The following ANKRD13C variants were observed in gnomAD, a reference collection of about 807,000 sequenced individuals.
ANKRD13C encodes the protein ankyrin repeat domain 13C.
Under a neutral mutation model 65.5 loss-of-function variants are expected in ANKRD13C, and 16 were observed. The ratio of observed to expected loss-of-function variants is 0.24; its 90% confidence interval spans 0.17 to 0.37. ANKRD13C has a LOEUF of 0.37. Among genes scored for constraint, ANKRD13C ranks in the 10% least tolerant of loss-of-function variants. ANKRD13C has a pLI of 1.00. For missense variants in ANKRD13C, 503 were observed against 655.9 expected (o/e 0.77, Z 2.55); for synonymous variants, 235 against 238.7 (o/e 0.98, Z 0.14).
rs191231216 is a variant in ANKRD13C at position 70,283,921 on chromosome 1, G to A, written c.1216-7077C>T. Among the ~76,000 whole-genome samples the A allele has an allele frequency of 1.6e-4, 24 of 152,222 alleles. No individual in the cohort carries two copies. The East Asian group carries it at 2.3e-3, about 15-fold the overall frequency. ...TTATCAATGACTCTAAGGTATAAAC[G>A]GAGCATTGTTCCCTACTCCAATGAT... On this transcript the variant is annotated intron_variant, in intron 9 of 12. Transcript: ENST00000370944.
At chr1:70,281,635 G>A (rs1188147806) in intron 9 of ANKRD13C, among the ~76,000 whole-genome samples, 5 of 151,268 alleles carry the variant, frequency 3.3e-5, no homozygotes, top group African/African-American at 1.2e-4. Flanking sequence ...GAACTCCTGA[G>A]CTCAAGCAAT....
At chr1:70,286,469 T>TA (rs1259850789) in intron 9 of ANKRD13C, among the ~76,000 whole-genome samples, 1 of 151,982 alleles carries the variant, frequency 6.6e-6, no homozygotes, top group Non-Finnish European at 1.5e-5. Flanking sequence ...AATTTTTTTT[T>TA]AAAAAATTAA....
intron 2 of ANKRD13C, among the ~76,000 whole-genome samples, chr1:70,328,124 CAA>C (rs1681627808): frequency 6.6e-6 from 1 of 151,612 alleles, no homozygotes; most frequent in African/African-American, 2.4e-5. Flanking sequence ...AAATATGAAA[CAA>C]TGTTAATTAT....
intron 7 of ANKRD13C, among the ~76,000 whole-genome samples, chr1:70,298,302 T>TC (rs1680181884): frequency 6.6e-6 from 1 of 152,162 alleles, no homozygotes. Flanking sequence ...AGAGACTATC[T>TC]CTTAACCACA....
chr1:70,330,757 T>C (rs570844539), intron 2 of ANKRD13C, among the ~76,000 whole-genome samples: 1 of 151,970 alleles, frequency 6.6e-6, no homozygotes, highest in East Asian at 1.9e-4. Flanking sequence ...AAATTGCAGA[T>C]CCAAAAAAGA....
chr1:70,287,844 AAAAAAAT>A (rs1487247193), intron 9 of ANKRD13C, among the ~76,000 whole-genome samples: 1 of 152,138 alleles, frequency 6.6e-6, no homozygotes, highest in Non-Finnish European at 1.5e-5. Context: ...TTGTCTCTAC[AAAAAAAT>A]AAAAAATAAA....
At chr1:70,264,214 G>A (rs907677660) in intron 12 of ANKRD13C, among the ~76,000 whole-genome samples, 63 of 152,196 alleles carry the variant, frequency 4.1e-4, no homozygotes, top group African/African-American at 1.4e-3. Flanking sequence ...GGTGGCTCAC[G>A]CCTGTAATCC....
chr1:70,310,434 A>C (rs1232142843), intron 5 of ANKRD13C, among the ~76,000 whole-genome samples: 3 of 152,204 alleles, frequency 2.0e-5, no homozygotes, highest in African/African-American at 7.2e-5. Flanking sequence ...AATAGTTGTG[A>C]TGTTAAATCA....
intron 6 of ANKRD13C, among the ~76,000 whole-genome samples, chr1:70,304,301 T>C (rs1429629363): frequency 6.6e-6 from 1 of 152,188 alleles, no homozygotes; most frequent in African/African-American, 2.4e-5. Context: ...TATTATATAA[T>C]ATGTACTAAA....
Position 70,262,757 on chromosome 1 carries a change from T to A in ANKRD13C, c.1586A>T (p.Asp529Val). The change falls in exon 13 of 13, where the codon GAT (aspartate) becomes GTT (valine). Residue 529 changes from aspartate (D) to valine (V), a missense_variant. Physicochemically the swap from Asp to Val is radical, Grantham distance 152. Around this residue, in one of 2 missense-constraint regions of ANKRD13C, gnomAD observed 300 missense variants for 478.3 expected, o/e 0.63. Coordinates refer to ENST00000370944, the MANE Select transcript of ANKRD13C (RefSeq NM_030816.5). Reference protein sequence around the residue: ...EFDGSIFTIPDDYKEDPSRFP... With the variant: ...EFDGSIFTIPVDYKEDPSRFP... ...ACGGCTTGGGTCTTCCTTGTAGTCA[T>A]CAGGTATAGTAAAGATGGAGCCATC... The A allele has an allele frequency of 6.2e-7, 1 of 1,613,542 alleles. No individual in the cohort carries two copies. The highest frequency in any genetic ancestry group is 8.5e-7 in the Non-Finnish European group (1 of 1,179,650).
At chr1:70,339,327 T>C (rs1682200101) in intron 1 of ANKRD13C, among the ~76,000 whole-genome samples, 1 of 150,706 alleles carries the variant, frequency 6.6e-6, no homozygotes, top group Admixed American at 6.6e-5. Context: ...TTTTTTTTTT[T>C]TTTTTTTGAG....
At chr1:70,267,569 T>A (rs1367243583) in intron 12 of ANKRD13C, among the ~76,000 whole-genome samples, 1 of 152,156 alleles carries the variant, frequency 6.6e-6, no homozygotes, top group East Asian at 1.9e-4. Context: ...ACTTTACCAA[T>A]CACTATCTTT....
At chr1:70,280,294 C>T (rs948517778) in intron 9 of ANKRD13C, among the ~76,000 whole-genome samples, 9 of 151,980 alleles carry the variant, frequency 5.9e-5, no homozygotes, top group Admixed American at 3.9e-4. Flanking sequence ...AGCCAAAAGA[C>T]GTGGACTGGT....
chr1:70,347,180 C>T (rs1682569800), intron 1 of ANKRD13C, among the ~76,000 whole-genome samples: 2 of 150,966 alleles, frequency 1.3e-5, no homozygotes, highest in Admixed American at 1.3e-4. Flanking sequence ...AGGCGAAAGA[C>T]CTTTTCCCTT....
intron 2 of ANKRD13C, among the ~76,000 whole-genome samples, chr1:70,330,569 C>T (rs377556715): frequency 8.5e-5 from 2 of 23,666 alleles, no homozygotes; most frequent in African/African-American, 1.8e-4. Flanking sequence ...AAAAAACAAA[C>T]AAACCAAAAA....
chr1:70,309,150 C>A (rs962861143), intron 5 of ANKRD13C, among the ~76,000 whole-genome samples: 3 of 151,082 alleles, frequency 2.0e-5, no homozygotes, highest in Non-Finnish European at 4.4e-5. Flanking sequence ...TCAAGTGATT[C>A]TCCTCTCCGC....
At chr1:70,303,577 T>A (rs1048116941) in intron 6 of ANKRD13C, among the ~76,000 whole-genome samples, 5 of 152,228 alleles carry the variant, frequency 3.3e-5, no homozygotes, top group Non-Finnish European at 7.3e-5. Context: ...GTTAGTACTC[T>A]CAAGAATAAT....
At chr1:70,297,920 A>G (rs1460446450) in intron 7 of ANKRD13C, among the ~76,000 whole-genome samples, 1 of 151,588 alleles carries the variant, frequency 6.6e-6, no homozygotes, top group African/African-American at 2.4e-5. Context: ...CATCTCAAAA[A>G]AAAAAAAAAA....
intron 2 of ANKRD13C, among the ~76,000 whole-genome samples, chr1:70,334,517 C>T (rs891118300): frequency 7.2e-5 from 11 of 151,990 alleles, no homozygotes; most frequent in Admixed American, 6.6e-4. Flanking sequence ...GTCCCAGCCA[C>T]CCTGAAGGCT....
Sources: allele counts gnomAD v4.1 joint callset (sites outside exome capture counted in the v4.1 genomes callset), GRCh38; gene constraint gnomAD v4.1.1; regional missense constraint gnomAD v4.1.1; transcripts MANE v1.5; gene names NCBI Gene and HGNC (gene_info 2026-07-23, HGNC 2026-07-21).